The following TBC1D32 variants were observed in gnomAD, a reference collection of about 807,000 sequenced individuals.
TBC1D32 encodes TBC1 domain family member 32.
TBC1D32 carries 151 observed loss-of-function variants against 170.3 expected under a neutral mutation model. The observed-to-expected ratio is 0.89, with a 90% CI of 0.78 to 1.01. TBC1D32 has a LOEUF of 1.01. Ranked by LOEUF, TBC1D32 falls within the 50% of genes least tolerant of loss-of-function variation. TBC1D32 has a pLI of 0.00. For missense variants in TBC1D32, 1,464 were observed against 1,457.1 expected, an observed-to-expected ratio of 1.00 and a Z score of -0.08; for synonymous variants, 498 against 488.0, an observed-to-expected ratio of 1.02 and a Z score of -0.27.
chr6:121,125,723 C>A (rs1029451600), intron 26 of TBC1D32, among the ~76,000 whole-genome samples: 7 of 152,118 alleles, frequency 4.6e-5, no homozygotes, highest in African/African-American at 1.4e-4. Flanking sequence ...ATACTAGTAC[C>A]CTAGGGATCT....
At chr6:121,135,189 A>G (rs531824696) in intron 24 of TBC1D32, among the ~76,000 whole-genome samples, 1 of 152,276 alleles carries the variant, frequency 6.6e-6, no homozygotes, top group South Asian at 2.1e-4. Flanking sequence ...GTAAGGGAAA[A>G]TGAAAGCTCC....
At chr6:121,301,479 T>G (rs961109407) in intron 9 of TBC1D32, among the ~76,000 whole-genome samples, 3 of 151,722 alleles carry the variant, frequency 2.0e-5, no homozygotes, top group Non-Finnish European at 4.4e-5. Context: ...TAAGTGAGAG[T>G]TGAGCAATGA....
rs1810566803 is a variant in TBC1D32, at chr6:121,327,165, A to G, written c.156-5371T>C. The stretch of plus-strand genomic sequence containing the variant: ...GAGCAAGAGTTAAAAAAAACTACCT[A>G]TCAAAATACTATGTTCACTATTTAA... On this transcript the variant is annotated intron_variant, in intron 1 of 31. Coordinates refer to ENST00000398212, the MANE Select transcript of TBC1D32 (RefSeq NM_152730.6). Among the ~76,000 whole-genome samples the G allele has an allele frequency of 4.6e-5, 7 of 152,188 alleles. 1 individual carries two copies. The South Asian group carries it at 1.4e-3, about 32-fold the overall frequency.
In TBC1D32 at chr6:121,156,025, T is replaced by C. The variant is rs1048021077; in HGVS notation, c.2773+3985A>G. ...TTTGGTATCAGGATAATATTGGCTT[T>C]GTAAAATAAGTTATAAAGAAGCTCC... On this transcript the variant is annotated intron_variant, in intron 24 of 31. Coordinates refer to ENST00000398212, the MANE Select transcript of TBC1D32 (RefSeq NM_152730.6). Among the ~76,000 whole-genome samples, 8 of 152,152 alleles carry C rather than the reference T, an allele frequency of 5.3e-5. No individual in the cohort carries two copies. In the East Asian group the frequency reaches 1.5e-3, roughly 29 times the overall value.
chr6:121,317,744 TA>T, intron 2 of TBC1D32, 72 bp from the exon 3 acceptor site: 1 of 1,124,692 alleles, frequency 8.9e-7, no homozygotes, highest in Non-Finnish European at 1.2e-6. Context: ...TTAAATTATC[TA>T]ATTTTTTTTC....
intron 30 of TBC1D32, among the ~76,000 whole-genome samples, chr6:121,094,584 T>C (rs1162659085): frequency 7.2e-5 from 11 of 152,168 alleles, no homozygotes; most frequent in South Asian, 2.1e-4. Flanking sequence ...ACAATTATTA[T>C]GGAATTTTTA....
chr6:121,087,257 T>C (rs971334953), intron 31 of TBC1D32, among the ~76,000 whole-genome samples: 1 of 152,254 alleles, frequency 6.6e-6, no homozygotes. Context: ...AATAAGTTTT[T>C]CTTTCCCCCA....
At chr6:121,256,631 C>T (rs1412812913) in intron 15 of TBC1D32, among the ~76,000 whole-genome samples, 1 of 152,068 alleles carries the variant, frequency 6.6e-6, no homozygotes, top group Non-Finnish European at 1.5e-5. Context: ...ATTCCCCATC[C>T]CATTAACAGG....
At chr6:121,110,234 G>C (rs1005622399) in intron 29 of TBC1D32, among the ~76,000 whole-genome samples, 17 of 149,442 alleles carry the variant, frequency 1.1e-4, no homozygotes, top group African/African-American at 7.4e-5. Flanking sequence ...CTGGGCGACA[G>C]AGTGAGACTC....
chr6:121,152,793 G>A (rs182033538), intron 24 of TBC1D32, among the ~76,000 whole-genome samples: 2 of 151,862 alleles, frequency 1.3e-5, no homozygotes, highest in Admixed American at 1.3e-4. Flanking sequence ...TGATTGATTT[G>A]GCTACTGATA....
chr6:121,228,911 T>C (rs1795373458), intron 20 of TBC1D32, among the ~76,000 whole-genome samples: 1 of 152,138 alleles, frequency 6.6e-6, no homozygotes, highest in South Asian at 2.1e-4. Flanking sequence ...ATTTTAGATA[T>C]TTTATTAGGA....
At chr6:121,199,097 T>G (rs1435796815) in intron 22 of TBC1D32, among the ~76,000 whole-genome samples, 4 of 151,390 alleles carry the variant, frequency 2.6e-5, no homozygotes, top group African/African-American at 9.8e-5. Flanking sequence ...AATAAGGGTG[T>G]AGATAAAAAT....
At chr6:121,083,432 T>G (rs1193392670) in intron 31 of TBC1D32, among the ~76,000 whole-genome samples, 1 of 152,120 alleles carries the variant, frequency 6.6e-6, no homozygotes, top group African/African-American at 2.4e-5. Flanking sequence ...TCATTAATTC[T>G]GAGTTTCAAA....
At chr6:121,225,935 A>G (rs573200044) in intron 20 of TBC1D32, among the ~76,000 whole-genome samples, 1 of 152,270 alleles carries the variant, frequency 6.6e-6, no homozygotes, top group Admixed American at 6.5e-5. Flanking sequence ...TTAAAGTAGC[A>G]CAAAACATAA....
chr6:121,137,135 G>A (rs1782181146), intron 24 of TBC1D32, among the ~76,000 whole-genome samples: 1 of 151,984 alleles, frequency 6.6e-6, no homozygotes. Context: ...GTAATGAAAT[G>A]AACATTCACT....
In TBC1D32 at chr6:121,111,915, T is replaced by C. The variant is rs369698386; in HGVS notation, c.3324+590A>G. Among the ~76,000 whole-genome samples, 6 of 152,138 alleles carry C rather than the reference T, an allele frequency of 3.9e-5. No homozygotes were observed. The South Asian group carries it at 6.2e-4, about 16-fold the overall frequency. ...TGATATTTTTGGCAGTTTCCCCTAGTTGGAAATCTTAACAGCAAGCAATAA... is the reference window on the plus strand; with the variant it reads ...TGATATTTTTGGCAGTTTCCCCTAGCTGGAAATCTTAACAGCAAGCAATAA... On this transcript the variant is annotated intron_variant, in intron 29 of 31. Transcript: ENST00000398212.
At chr6:121,282,982 C>T (rs941614591) in intron 13 of TBC1D32, among the ~76,000 whole-genome samples, 5 of 151,652 alleles carry the variant, frequency 3.3e-5, no homozygotes, top group Non-Finnish European at 5.9e-5. Flanking sequence ...TAAATAGATT[C>T]AGAAGGTACA....
chr6:121,256,740 G>A (rs554340582), intron 15 of TBC1D32, among the ~76,000 whole-genome samples: 192 of 151,390 alleles, frequency 1.3e-3, no homozygotes, highest in African/African-American at 4.0e-3. Flanking sequence ...GCAATGGCGC[G>A]GTCTTGGCTC....
rs993313182 is a variant in TBC1D32 at position 121,303,699 on chromosome 6, T to C, written c.998A>G (p.His333Arg). The change falls in exon 9 of 32, where the codon CAT (histidine) becomes CGT (arginine). Residue 333 changes from histidine to arginine, a missense_variant. Around this residue, in one of 3 missense-constraint regions of TBC1D32, gnomAD observed 1,363 missense variants for 1,338.1 expected, o/e 1.02. Coordinates refer to ENST00000398212, the MANE Select transcript of TBC1D32 (RefSeq NM_152730.6). The stretch of plus-strand genomic sequence containing the variant: ...ATCCAAAATCTTTTGTGAGACAACA[T>C]GGCTTTGATTATGTTTAACTGTTAA... ...SLLTVKHNQSHVVSQKILDPI... is the reference protein window; with the variant it reads ...SLLTVKHNQSRVVSQKILDPI... 1.3e-5 allele frequency: 20 copies of C among 1,597,236 alleles called. No homozygotes were observed. Among genetic ancestry groups the C allele is most frequent in the Non-Finnish European group, 1.6e-5 (19 of 1,168,758 alleles).
Sources: allele counts gnomAD v4.1 joint callset (sites outside exome capture counted in the v4.1 genomes callset), GRCh38; gene constraint gnomAD v4.1.1; regional missense constraint gnomAD v4.1.1; transcripts MANE v1.5; gene names NCBI Gene and HGNC (gene_info 2026-07-23, HGNC 2026-07-21).